TANC2: variants seen among roughly 807,000 people sequenced by gnomAD.
TANC2 encodes protein TANC2.
TANC2 carries 26 observed loss-of-function variants against 210.5 expected under a neutral mutation model. That is an observed-to-expected ratio of 0.12 (90% CI 0.09 to 0.17). The LOEUF (loss-of-function observed/expected upper bound fraction) is 0.17, where lower values mean the gene tolerates loss of function less well. Ranked by LOEUF, TANC2 falls within the 10% of genes least tolerant of loss-of-function variation. The pLI is 1.00. For synonymous variants in TANC2, 931 were observed against 967.1 expected (o/e 0.96, Z 0.69); for missense variants, 2,129 against 2,608.9 (o/e 0.82, Z 4.01).
intron 4 of TANC2, among the ~76,000 whole-genome samples, chr17:63,123,799 T>A (rs2038589892): frequency 7.1e-6 from 1 of 140,748 alleles, no homozygotes; most frequent in South Asian, 2.4e-4. Context: ...GCCTCCTGAG[T>A]TCAAGCAATT....
intron 2 of TANC2, 45 bp from the exon 3 acceptor site, chr17:63,073,898 C>T (rs2036484348): frequency 6.8e-7 from 1 of 1,474,808 alleles, no homozygotes; most frequent in Non-Finnish European, 9.3e-7. Context: ...ACTGTTATGT[C>T]AATCTCATTA....
chr17:63,075,655 C>T (rs1327624981), intron 3 of TANC2, among the ~76,000 whole-genome samples: 1 of 151,996 alleles, frequency 6.6e-6, no homozygotes, highest in Admixed American at 6.6e-5. Context: ...GCCTCAGCCT[C>T]CTGGGTAGAT....
intron 5 of TANC2, among the ~76,000 whole-genome samples, chr17:63,169,576 C>T (rs1440489411): frequency 6.6e-6 from 1 of 152,148 alleles, no homozygotes; most frequent in Non-Finnish European, 1.5e-5. Context: ...CCTGTAATCC[C>T]ATCACTTTGG....
chr17:63,153,820 T>C (rs548210440), intron 5 of TANC2: 1 of 152,312 alleles, frequency 6.6e-6, no homozygotes, highest in African/African-American at 2.4e-5. Context: ...AATAGACTTA[T>C]ATATTTTTCT....
At chr17:63,061,537 A>ATG (rs141384263) in intron 2 of TANC2, among the ~76,000 whole-genome samples, 17 of 151,696 alleles carry the variant, frequency 1.1e-4, no homozygotes, top group East Asian at 3.9e-4. Context: ...AGTTTCAAGT[A>ATG]TGTGTGTGTG....
chr17:62,971,753 C>T (rs1241836313), intron 1 of TANC2, among the ~76,000 whole-genome samples: 1 of 152,232 alleles, frequency 6.6e-6, no homozygotes, highest in Non-Finnish European at 1.5e-5. Flanking sequence ...GCACCTCCTC[C>T]TGTCAGATCA....
intron 5 of TANC2, among the ~76,000 whole-genome samples, chr17:63,181,893 G>A (rs968149630): frequency 6.6e-6 from 1 of 152,172 alleles, no homozygotes; most frequent in African/African-American, 2.4e-5. Context: ...AGCTTCCAGT[G>A]TACTTGCCTC....
intron 8 of TANC2, among the ~76,000 whole-genome samples, chr17:63,249,945 A>G (rs2043011923): frequency 6.6e-6 from 1 of 152,154 alleles, no homozygotes; most frequent in Non-Finnish European, 1.5e-5. Flanking sequence ...AGTTATCTCT[A>G]AAATGTTGTA....
intron 14 of TANC2, among the ~76,000 whole-genome samples, chr17:63,359,229 T>C (rs962701554): frequency 6.6e-6 from 1 of 150,412 alleles, no homozygotes; most frequent in Non-Finnish European, 1.5e-5. Flanking sequence ...ATGCCTAATT[T>C]TTTTTGTTTG....
At position 63,180,766 on chromosome 17, in the gene TANC2, T is replaced by G. The variant is rs550802448; in HGVS notation, c.434-13225T>G. Among the ~76,000 whole-genome samples, 175 of 152,208 alleles carry G rather than the reference T, an allele frequency of 1.1e-3. 1 individual carries two copies. The highest frequency in any genetic ancestry group is 2.0e-3 in the Non-Finnish European group (134 of 68,012). On this transcript the variant is annotated intron_variant, in intron 5 of 27. Transcript: ENST00000689528. The stretch of plus-strand genomic sequence containing the variant: ...AAGGCCTGGCATGGTGGCTCACACC[T>G]GTAATCCCAGCATTTGGGAGGCTGA...
chr17:63,150,611 CA>C (rs2039616604), intron 4 of TANC2: 2 of 152,126 alleles, frequency 1.3e-5, no homozygotes, highest in African/African-American at 4.8e-5. Context: ...GTCAAACTAG[CA>C]GGGCCTAGTT....
At chr17:63,290,208 A>G (rs1483258000) in intron 9 of TANC2, among the ~76,000 whole-genome samples, 1 of 152,140 alleles carries the variant, frequency 6.6e-6, no homozygotes, top group Non-Finnish European at 1.5e-5. Context: ...GGGCTCCTAG[A>G]GGTAAGTCAC....
At chr17:63,078,757 T>C (rs903421216) in intron 3 of TANC2, among the ~76,000 whole-genome samples, 1 of 152,158 alleles carries the variant, frequency 6.6e-6, no homozygotes, top group African/African-American at 2.4e-5. Context: ...GGACAAACTT[T>C]CTGTAGGTTG....
rs1383186267 is a variant in TANC2, at chr17:63,098,462, ACACACACACACACACACATACACTCTCT to A, written c.140-711_140-684del. Among the ~76,000 whole-genome samples, 30 of 42,932 alleles carry A rather than the reference ACACACACACACACACACATACACTCTCT, an allele frequency of 7.0e-4. 1 individual carries two copies. The highest frequency in any genetic ancestry group is 1.4e-3 in the Admixed American group (7 of 5,086). The allele number at this position is 42,932 out of a possible 152,430, so 28.2% of individuals were successfully genotyped here. On this transcript the variant is annotated intron_variant, in intron 3 of 27. Transcript: ENST00000689528. ...CACACACACACACACACACACACAC[ACACACACACACACACACATACACTCTCT>A]CTCTCTCTCTCTCTCTCTCTGTGTG...
intron 8 of TANC2, among the ~76,000 whole-genome samples, chr17:63,256,987 A>G (rs1300085458): frequency 6.6e-6 from 1 of 150,506 alleles, no homozygotes; most frequent in Non-Finnish European, 1.5e-5. Context: ...CATTATTTTC[A>G]GTCTGTATAT....
At chr17:62,983,338 G>C (rs568220890) in intron 1 of TANC2, among the ~76,000 whole-genome samples, 34 of 151,926 alleles carry the variant, frequency 2.2e-4, no homozygotes, top group African/African-American at 7.7e-4. Context: ...TGAGTTTTTG[G>C]TAGGGTCTTT....
chr17:62,972,093 AC>A (rs1392381472), intron 1 of TANC2, among the ~76,000 whole-genome samples: 1 of 152,040 alleles, frequency 6.6e-6, no homozygotes, highest in Non-Finnish European at 1.5e-5. Flanking sequence ...ACTTTCTGGG[AC>A]CTTTTTTTTT....
chr17:63,256,540 T>C (rs1039012909), intron 8 of TANC2, among the ~76,000 whole-genome samples: 2 of 152,198 alleles, frequency 1.3e-5, no homozygotes, highest in African/African-American at 4.8e-5. Context: ...GAATGATCCA[T>C]GTGCTGAAAA....
chr17:63,125,535 A>G (rs551766527), intron 4 of TANC2, among the ~76,000 whole-genome samples: 2 of 152,314 alleles, frequency 1.3e-5, no homozygotes, highest in East Asian at 1.9e-4. Context: ...ACATGCCTGG[A>G]TTTAGAAAAC....
Sources: gnomAD v4.1 joint callset for allele counts (sites outside exome capture counted in the v4.1 genomes callset) on GRCh38, gnomAD v4.1.1 for gene constraint, MANE v1.5 for transcripts, NCBI Gene and HGNC (gene_info 2026-07-23, HGNC 2026-07-21) for gene names.